PRKN: variants seen among roughly 807,000 people sequenced by gnomAD.
The protein encoded by PRKN is E3 ubiquitin-protein ligase parkin.
PRKN carries 56 observed loss-of-function variants against 59.5 expected under a neutral mutation model. The ratio of observed to expected loss-of-function variants is 0.94; its 90% CI spans 0.76 to 1.18. The LOEUF (loss-of-function observed/expected upper bound fraction) is 1.18. Among genes scored for constraint, PRKN ranks in the 50% most tolerant of loss-of-function variants. PRKN has a pLI of 0.00. For synonymous variants in PRKN, 250 were observed against 222.1 expected, an observed-to-expected ratio of 1.13 and a Z score of -1.12; for missense variants, 657 against 596.4, an observed-to-expected ratio of 1.10 and a Z score of -1.06.
intron 9 of PRKN, among the ~76,000 whole-genome samples, chr6:161,420,033 T>A (rs9458244): frequency 1.3e-5 from 2 of 151,648 alleles, no homozygotes; most frequent in African/African-American, 4.8e-5. Flanking sequence ...GGTCAAGAGA[T>A]CAAGACCATC....
At position 161,576,285 on chromosome 6, in the gene PRKN, T is replaced by G. The variant is rs184580573; in HGVS notation, c.872-6869A>C. ...GTTTTTATTTATAAAGGATTATTCATGCATTCTTTCTCCGTAGCCAATACT... is the reference window on the plus strand; with the variant it reads ...GTTTTTATTTATAAAGGATTATTCAGGCATTCTTTCTCCGTAGCCAATACT... On this transcript the variant is annotated intron_variant, in intron 7 of 11. Transcript: ENST00000366898. The surrounding 1 kb of genome is among the most constrained non-coding windows in gnomAD (Gnocchi z 4.6). Among the ~76,000 whole-genome samples, 1 of 152,364 alleles carries G rather than the reference T, an allele frequency of 6.6e-6. No individual in the cohort carries two copies. Among genetic ancestry groups the G allele is most frequent in the Admixed American group, 6.5e-5 (1 of 15,304 alleles).
At chr6:162,397,346 C>T (rs1049059406) in intron 2 of PRKN, among the ~76,000 whole-genome samples, 4 of 152,092 alleles carry the variant, frequency 2.6e-5, no homozygotes, top group Non-Finnish European at 4.4e-5. Context: ...CATGTCTAGG[C>T]CAACATTAAT....
At chr6:161,774,507 C>T (rs779167564) in intron 7 of PRKN, among the ~76,000 whole-genome samples, 1 of 152,064 alleles carries the variant, frequency 6.6e-6, no homozygotes, top group Non-Finnish European at 1.5e-5. Context: ...GCTCCATTTG[C>T]AGGCCTGGGA....
intron 1 of PRKN, among the ~76,000 whole-genome samples, chr6:162,444,427 AC>A (rs201793634): frequency 0.013 from 1,925 of 151,664 alleles, 37 homozygotes; most frequent in African/African-American, 0.045. Context: ...TCTAGCACAA[AC>A]CTACATTCCA....
At chr6:162,565,799 G>GA (rs1181943088) in intron 1 of PRKN, among the ~76,000 whole-genome samples, 1 of 151,818 alleles carries the variant, frequency 6.6e-6, no homozygotes, top group African/African-American at 2.4e-5. Context: ...GTGAATGGAT[G>GA]AAAAAAACAA....
chr6:161,835,844 G>C (rs1792731414), intron 6 of PRKN, among the ~76,000 whole-genome samples: 2 of 152,214 alleles, frequency 1.3e-5, no homozygotes, highest in African/African-American at 4.8e-5. Flanking sequence ...CTAACTGGTG[G>C]TGGAAGTGTT....
chr6:162,404,615 C>T (rs1052274391), intron 2 of PRKN, among the ~76,000 whole-genome samples: 1 of 151,872 alleles, frequency 6.6e-6, no homozygotes, highest in East Asian at 2.0e-4. Context: ...TGCAGTGGTA[C>T]AATCTTGGCT....
chr6:162,290,279 A>G (rs926058379), intron 2 of PRKN, among the ~76,000 whole-genome samples: 12 of 152,184 alleles, frequency 7.9e-5, no homozygotes, highest in African/African-American at 2.4e-4. Flanking sequence ...TTGCTTTAAT[A>G]TAAGATATCT....
intron 7 of PRKN, among the ~76,000 whole-genome samples, chr6:161,610,460 T>C (rs944005788): frequency 1.3e-5 from 2 of 149,722 alleles, no homozygotes; most frequent in African/African-American, 5.0e-5. Context: ...TATTAATATA[T>C]AACTAAGAAA....
chr6:162,359,550 A>G (rs1278687017), intron 2 of PRKN, among the ~76,000 whole-genome samples: 1 of 151,552 alleles, frequency 6.6e-6, no homozygotes, highest in Non-Finnish European at 1.5e-5. Flanking sequence ...TGAGTTAAGT[A>G]TTCCTTTTTC....
In PRKN at chr6:161,440,235, G is replaced by C. The variant is rs148310787; in HGVS notation, c.1084-53358C>G. Among the ~76,000 whole-genome samples the C allele has an allele frequency of 6.6e-6, 1 of 152,144 alleles. No homozygotes were observed. The highest frequency in any genetic ancestry group is 1.5e-5 in the Non-Finnish European group (1 of 68,024). ...CCCAAAGTGCTGGGATTACAGGTGT[G>C]AGACACTGCGCCTGGCCTGGCCCTA... On this transcript the variant is annotated intron_variant, in intron 9 of 11. Transcript: ENST00000366898. This position sits in a 1 kb window ranked among gnomAD's most constrained non-coding sequence, Gnocchi z 4.1.
intron 2 of PRKN, among the ~76,000 whole-genome samples, chr6:162,426,070 A>G (rs2128160949): frequency 6.6e-6 from 1 of 152,372 alleles, no homozygotes; most frequent in East Asian, 1.9e-4. Context: ...AAGGACTGCA[A>G]AAGAATAATC....
At position 161,843,914 on chromosome 6, in the gene PRKN, G is replaced by T. The variant is rs1327845836; in HGVS notation, c.735-58006C>A. On this transcript the variant is annotated intron_variant, in intron 6 of 11. Coordinates refer to ENST00000366898, the MANE Select transcript of PRKN (RefSeq NM_004562.3). ...TCTCCCTCCCCTCCCTAGGATCCCT[G>T]TTGGGATCTCTGGAGATGGTAACCT... 6.6e-5 allele frequency among the ~76,000 whole-genome samples: 10 copies of T among 152,284 alleles called. No homozygotes were observed. In the East Asian group the frequency reaches 1.9e-3, roughly 29 times the overall value.
chr6:162,701,394 C>G (rs1778147177), intron 1 of PRKN, among the ~76,000 whole-genome samples: 1 of 151,594 alleles, frequency 6.6e-6, no homozygotes, highest in Admixed American at 6.6e-5. Context: ...TGGAAATGAA[C>G]TTTTATCAGA....
chr6:162,138,810 T>C (rs1398868302), intron 4 of PRKN, among the ~76,000 whole-genome samples: 1 of 152,082 alleles, frequency 6.6e-6, no homozygotes, highest in Non-Finnish European at 1.5e-5. Context: ...AGGCAGTGAA[T>C]GTGAAGAAAT....
chr6:161,682,018 G>A (rs1424441170), intron 7 of PRKN, among the ~76,000 whole-genome samples: 4 of 152,206 alleles, frequency 2.6e-5, no homozygotes, highest in South Asian at 4.1e-4. Context: ...AGTCAGGGAC[G>A]AGTGGCTGTG....
intron 2 of PRKN, among the ~76,000 whole-genome samples, chr6:162,269,003 A>AAAAG (rs138577222): frequency 6.6e-6 from 1 of 151,592 alleles, no homozygotes; most frequent in Non-Finnish European, 1.5e-5. Context: ...GAAACAAAAC[A>AAAAG]AAACAAACAA....
chr6:161,840,047 C>T (rs778764951), intron 6 of PRKN, among the ~76,000 whole-genome samples: 8 of 152,252 alleles, frequency 5.3e-5, no homozygotes, highest in South Asian at 2.1e-4. Flanking sequence ...CTACAGTTGG[C>T]GGAGCCAGCA....
At chr6:162,174,756 T>C (rs1783455548) in intron 4 of PRKN, among the ~76,000 whole-genome samples, 1 of 152,206 alleles carries the variant, frequency 6.6e-6, no homozygotes, top group East Asian at 1.9e-4. Context: ...ACTAGTCCCA[T>C]TCATAGGAAA....
Sources: gnomAD v4.1 joint callset for allele counts (sites outside exome capture counted in the v4.1 genomes callset) on GRCh38, gnomAD v4.1.1 for gene constraint, Gnocchi (gnomAD v3.1) non-coding constraint, MANE v1.5 for transcripts, NCBI Gene and HGNC (gene_info 2026-07-23, HGNC 2026-07-21) for gene names.